The following PUS10 variants were observed in gnomAD, a reference collection of about 807,000 sequenced individuals.
PUS10 encodes pseudouridine synthase 10.
A neutral mutation model predicts 75.0 loss-of-function variants in PUS10; 59 were observed. The ratio of observed to expected loss-of-function variants is 0.79; its 90% CI spans 0.64 to 0.98. The LOEUF is 0.98. Ranked by LOEUF, PUS10 falls within the 50% of genes least tolerant of loss-of-function variation. PUS10 has a pLI of 0.00. For missense variants in PUS10, 650 were observed against 614.4 expected, an observed-to-expected ratio of 1.06 and a Z score of -0.61; for synonymous variants, 219 against 211.6, an observed-to-expected ratio of 1.03 and a Z score of -0.30.
rs1573373656 is a variant in PUS10 at position 60,945,301 on chromosome 2, T to C, written c.1452-193A>G. On this transcript the variant is annotated intron_variant, in intron 16 of 17. Coordinates refer to ENST00000316752, the MANE Select transcript of PUS10 (RefSeq NM_144709.4). ...TAGCCTGGCAGCCAACATCAGAGCC[T>C]GGGAAATGTGTTTACATCAAACTTA... Among the ~76,000 whole-genome samples, 8 of 152,354 alleles carry C rather than the reference T, an allele frequency of 5.3e-5. No individual in the cohort carries two copies. The Middle Eastern group carries it at 0.024, about 453-fold the overall frequency.
At chr2:61,012,834 C>CAAAAAA (rs70959885) in intron 1 of PUS10, among the ~76,000 whole-genome samples, 21 of 30,164 alleles carry the variant, frequency 7.0e-4, no homozygotes, top group East Asian at 1.2e-3. Flanking sequence ...AACTCCGTCT[C>CAAAAAA]AAAAAAAAAA....
chr2:60,953,995 T>C lies in PUS10; in HGVS notation c.1135-7A>G, dbSNP rs778512837. The stretch of plus-strand genomic sequence containing the variant: ...TAGATGAGTTATTAATTTTCTGTAG[T>C]AGCAGAAAAAGAAAAACAATTAGCA... On this transcript the variant is annotated splice_region_variant and splice_polypyrimidine_tract_variant and intron_variant, in intron 13 of 17. Coordinates refer to ENST00000316752, the MANE Select transcript of PUS10 (RefSeq NM_144709.4). The C allele has an allele frequency of 1.1e-5, 17 of 1,612,264 alleles. No individual in the cohort carries two copies. In the South Asian group the frequency reaches 1.5e-4, roughly 15 times the overall value.
At chr2:60,989,038 A>G (rs1677903783) in intron 4 of PUS10, among the ~76,000 whole-genome samples, 1 of 152,194 alleles carries the variant, frequency 6.6e-6, no homozygotes, top group Admixed American at 6.5e-5. Flanking sequence ...AGTGCAGGGA[A>G]TAGCAACAAT....
At chr2:61,016,208 C>A (rs886347303) in intron 1 of PUS10, among the ~76,000 whole-genome samples, 8 of 152,166 alleles carry the variant, frequency 5.3e-5, no homozygotes, top group Non-Finnish European at 1.2e-4. Context: ...ATGAGAATTA[C>A]AAAACTTCCA....
intron 1 of PUS10, chr2:61,017,693 C>T (rs1360938293): frequency 1.4e-5 from 18 of 1,300,086 alleles, no homozygotes; most frequent in Non-Finnish European, 1.1e-5. Context: ...TCTTACGCTC[C>T]AGGTGCTGGT....
At chr2:60,947,301 G>T (rs769808729) in intron 16 of PUS10, among the ~76,000 whole-genome samples, 2 of 152,084 alleles carry the variant, frequency 1.3e-5, no homozygotes, top group African/African-American at 2.4e-5. Context: ...ATGTAAAGTA[G>T]TGCTATTCCC....
At chr2:60,960,570 A>G in intron 10 of PUS10, 53 bp from the exon 11 acceptor site, 1 of 1,506,906 alleles carries the variant, frequency 6.6e-7, no homozygotes, top group Non-Finnish European at 8.8e-7. Context: ...TTAACATGGT[A>G]GGATAAAAAG....
intron 4 of PUS10, among the ~76,000 whole-genome samples, chr2:61,000,848 A>G (rs1678805352): frequency 6.6e-6 from 1 of 152,158 alleles, no homozygotes; most frequent in Admixed American, 6.6e-5. Context: ...TTTTCACCAA[A>G]AAAATTTGCA....
intron 4 of PUS10, among the ~76,000 whole-genome samples, chr2:60,992,495 C>T (rs939498827): frequency 5.3e-5 from 8 of 152,098 alleles, no homozygotes; most frequent in South Asian, 4.1e-4. Context: ...CACCAACTCA[C>T]GATTTCTAAT....
At chr2:60,968,946 T>C (rs1676503764) in intron 5 of PUS10, among the ~76,000 whole-genome samples, 1 of 152,208 alleles carries the variant, frequency 6.6e-6, no homozygotes, top group Admixed American at 6.5e-5. Context: ...CCTGATACTG[T>C]GTCAACAGTT....
At chr2:60,946,733 C>T (rs1425939836) in intron 16 of PUS10, among the ~76,000 whole-genome samples, 1 of 151,892 alleles carries the variant, frequency 6.6e-6, no homozygotes, top group African/African-American at 2.4e-5. Context: ...GAAGTGAATG[C>T]AGGCTGGTGG....
intron 4 of PUS10, among the ~76,000 whole-genome samples, chr2:60,988,531 T>C (rs1053506416): frequency 6.6e-6 from 1 of 152,202 alleles, no homozygotes; most frequent in African/African-American, 2.4e-5. Context: ...AATGTAACTA[T>C]AATACAAATT....
At chr2:60,964,459 T>C (rs137855784) in intron 8 of PUS10, among the ~76,000 whole-genome samples, 1 of 152,292 alleles carries the variant, frequency 6.6e-6, no homozygotes, top group African/African-American at 2.4e-5. Flanking sequence ...CACCACATCA[T>C]TCTATCCTGA....
intron 5 of PUS10, among the ~76,000 whole-genome samples, chr2:60,969,382 G>C (rs550918712): frequency 4.2e-4 from 64 of 152,264 alleles, no homozygotes; most frequent in African/African-American, 1.4e-3. Flanking sequence ...AATACAATTT[G>C]GGCTAAATAT....
rs1675493702 is a variant in PUS10 at position 60,953,919 on chromosome 2, G to T, written c.1190+14C>A. 6.2e-7 allele frequency: 1 copy of T among 1,610,832 alleles called. No homozygotes were observed. Among genetic ancestry groups the T allele is most frequent in the Non-Finnish European group, 8.5e-7 (1 of 1,177,026 alleles). On this transcript the variant is annotated intron_variant, in intron 14 of 17. Transcript: ENST00000316752. ...CGTCCCTTTTGAAATCATCTCCAAT[G>T]AGCCTACTCTTACCTTGTGACAAGC...
At chr2:60,999,709 A>G (rs1188291486) in intron 4 of PUS10, among the ~76,000 whole-genome samples, 1 of 152,192 alleles carries the variant, frequency 6.6e-6, no homozygotes, top group Non-Finnish European at 1.5e-5. Context: ...CTAACCAACT[A>G]TATAGTGCAC....
rs1002699754 is a variant in PUS10, at chr2:61,017,813, G to T, written c.-16+195C>A. 15 of 1,550,448 alleles carry T rather than the reference G, an allele frequency of 9.7e-6. No homozygotes were observed. Among genetic ancestry groups the T allele is most frequent in the Admixed American group, 3.9e-5 (2 of 50,972 alleles). On this transcript the variant is annotated intron_variant, in intron 1 of 17. Transcript: ENST00000316752. ...AACCCTGGGAGACCCGCCGAATTCC[G>T]GGAGCCGGACCGGGACCAGGACCGG...
intron 15 of PUS10, among the ~76,000 whole-genome samples, chr2:60,952,140 C>G (rs1443127767): frequency 2.6e-5 from 4 of 151,980 alleles, no homozygotes; most frequent in Admixed American, 6.6e-5. Context: ...TTGAGACCAG[C>G]CAGGCCAACA....
chr2:60,970,178 C>T (rs746630138), intron 5 of PUS10, among the ~76,000 whole-genome samples: 2 of 152,046 alleles, frequency 1.3e-5, no homozygotes, highest in Non-Finnish European at 2.9e-5. Flanking sequence ...TCTGACTATG[C>T]TAGCAAATTT....
Sources: allele counts gnomAD v4.1 joint callset (sites outside exome capture counted in the v4.1 genomes callset), GRCh38; gene constraint gnomAD v4.1.1; transcripts MANE v1.5; gene names NCBI Gene and HGNC (gene_info 2026-07-23, HGNC 2026-07-21).